RYR2: variants seen among roughly 807,000 people sequenced by gnomAD.
RYR2 encodes cardiac muscle ryanodine receptor-calcium release channel.
A neutral mutation model predicts 601.1 loss-of-function variants in RYR2; 227 were observed. The ratio of observed to expected loss-of-function variants is 0.38; its 90% confidence interval spans 0.34 to 0.42. The LOEUF is 0.42. Among genes scored for constraint, RYR2 ranks in the 10% least tolerant of loss-of-function variants. RYR2 has a pLI of 1.00. For missense variants in RYR2, 4,646 were observed against 6,156.5 expected (o/e 0.75, Z 8.21); for synonymous variants, 2,223 against 2,175.1 (o/e 1.02, Z -0.61).
At chr1:237,648,708 A>G in intron 49 of RYR2, 95 bp downstream of exon 49, 1 of 1,351,240 alleles carries the variant, frequency 7.4e-7, no homozygotes, top group Non-Finnish European at 9.9e-7. Flanking sequence ...ATTTATTGAC[A>G]ATGAATGTTT....
At chr1:237,399,276 A>G (rs571058454) in intron 10 of RYR2, among the ~76,000 whole-genome samples, 8 of 152,322 alleles carry the variant, frequency 5.3e-5, no homozygotes, top group African/African-American at 1.7e-4. Context: ...GAAAATATCA[A>G]TCCCCAAAGG....
chr1:237,654,245 A>G lies in RYR2; in HGVS notation c.7825-29A>G, dbSNP rs762551668. Reference sequence around the variant, plus strand: ...AAAATATAAAAGGTTTTGATAGCTCATTGCTTTTATAATTGTTTTCCCACA... The same window carrying G: ...AAAATATAAAAGGTTTTGATAGCTCGTTGCTTTTATAATTGTTTTCCCACA... On this transcript the variant is annotated intron_variant, in intron 51 of 104. Coordinates refer to ENST00000366574, the MANE Select transcript of RYR2 (RefSeq NM_001035.3). 1.1e-5 allele frequency: 18 copies of G among 1,610,004 alleles called. No homozygotes were observed. The Admixed American group carries it at 2.7e-4, about 24-fold the overall frequency.
intron 1 of RYR2, among the ~76,000 whole-genome samples, chr1:237,247,491 A>G (rs1306630611): frequency 1.3e-5 from 2 of 152,188 alleles, no homozygotes. Flanking sequence ...GCCCACTCAG[A>G]TGTCATGGAC....
chr1:237,618,317 G>A (rs1398851835), intron 38 of RYR2, among the ~76,000 whole-genome samples: 1 of 152,088 alleles, frequency 6.6e-6, no homozygotes, highest in Non-Finnish European at 1.5e-5. Context: ...TTAAACTACT[G>A]TTGGGAAACT....
chr1:237,830,667 G>A (rs374959184), intron 103 of RYR2, 37 bp downstream of exon 103: 95 of 1,051,530 alleles, frequency 9.0e-5, no homozygotes, highest in Non-Finnish European at 1.4e-4. Flanking sequence ...CACCTCTCCA[G>A]TAGACGCCAC....
chr1:237,065,615 C>T (rs1663502825), intron 1 of RYR2, among the ~76,000 whole-genome samples: 1 of 152,112 alleles, frequency 6.6e-6, no homozygotes, highest in South Asian at 2.1e-4. Context: ...ACACTTCCTC[C>T]TTAGTGCCAC....
At chr1:237,635,899 C>A (rs1680825877) in intron 44 of RYR2, among the ~76,000 whole-genome samples, 1 of 152,162 alleles carries the variant, frequency 6.6e-6, no homozygotes, top group African/African-American at 2.4e-5. Context: ...GCTAGTCCAA[C>A]CATCTGCAGT....
chr1:237,116,137 C>T (rs531930362), intron 1 of RYR2, among the ~76,000 whole-genome samples: 1 of 152,070 alleles, frequency 6.6e-6, no homozygotes, highest in African/African-American at 2.4e-5. Context: ...CTTTGTGGAT[C>T]CTTGTGAATC....
chr1:237,052,044 A>T (rs991378340), intron 1 of RYR2, among the ~76,000 whole-genome samples: 2 of 152,226 alleles, frequency 1.3e-5, no homozygotes, highest in Admixed American at 1.3e-4. Context: ...TGATTCCATG[A>T]GATAGTATTT....
intron 17 of RYR2, among the ~76,000 whole-genome samples, chr1:237,484,365 T>C (rs1662448627): frequency 6.6e-6 from 1 of 152,060 alleles, no homozygotes; most frequent in Admixed American, 6.6e-5. Flanking sequence ...AACAGTACCA[T>C]GGGGGGTGGG....
chr1:237,134,452 G>C (rs1307692827), intron 1 of RYR2, among the ~76,000 whole-genome samples: 4 of 152,176 alleles, frequency 2.6e-5, no homozygotes, highest in Admixed American at 6.5e-5. Context: ...GCAGGCAAGA[G>C]AGAGCTTGTG....
chr1:237,584,911 T>A (rs1674358026), intron 29 of RYR2, among the ~76,000 whole-genome samples: 1 of 151,992 alleles, frequency 6.6e-6, no homozygotes, highest in African/African-American at 2.4e-5. Context: ...TTGTTATTTT[T>A]TTTTTTTCTT....
At chr1:237,575,182 C>T (rs892480238) in intron 29 of RYR2, among the ~76,000 whole-genome samples, 6 of 152,284 alleles carry the variant, frequency 3.9e-5, no homozygotes, top group South Asian at 2.1e-4. Flanking sequence ...TGAGTTCATA[C>T]GCGGTTACCT....
intron 34 of RYR2, among the ~76,000 whole-genome samples, chr1:237,597,613 A>T (rs1310589469): frequency 6.6e-6 from 1 of 152,022 alleles, no homozygotes; most frequent in African/African-American, 2.4e-5. Context: ...CAAATGTATC[A>T]GCTTAAGATG....
chr1:237,167,546 G>A (rs2148889578), intron 1 of RYR2, among the ~76,000 whole-genome samples: 2 of 152,174 alleles, frequency 1.3e-5, no homozygotes, highest in Non-Finnish European at 2.9e-5. Context: ...GAACAGAGAG[G>A]TAAGCAAAGC....
rs150605366 is a variant in RYR2 at position 237,758,953 on chromosome 1, A to G, written c.11326-823A>G. 5.3e-3 allele frequency among the ~76,000 whole-genome samples: 800 copies of G among 152,344 alleles called. 5 individuals are homozygous for G. Among genetic ancestry groups the G allele is most frequent in the African/African-American group, 0.018 (742 of 41,570 alleles). On this transcript the variant is annotated intron_variant, in intron 82 of 104. Coordinates refer to ENST00000366574, the MANE Select transcript of RYR2 (RefSeq NM_001035.3). ...ATAGATTCTGGACGTCATTCTGAGA[A>G]CAAAGGAGAACATTTTAATAGCCAA...
At chr1:237,332,759 AGAT>A (rs1482484960) in intron 3 of RYR2, among the ~76,000 whole-genome samples, 1 of 152,212 alleles carries the variant, frequency 6.6e-6, no homozygotes, top group Non-Finnish European at 1.5e-5. Context: ...AACTTTGAGA[AGAT>A]CTTTTATCTT....
chr1:237,073,668 G>A (rs996252862), intron 1 of RYR2, among the ~76,000 whole-genome samples: 1 of 152,090 alleles, frequency 6.6e-6, no homozygotes, highest in African/African-American at 2.4e-5. Context: ...TCAGGAGTTC[G>A]AGACCAGCTT....
At chr1:237,767,461 A>G (rs1236967423) in intron 84 of RYR2, among the ~76,000 whole-genome samples, 1 of 152,142 alleles carries the variant, frequency 6.6e-6, no homozygotes, top group Non-Finnish European at 1.5e-5. Context: ...TGTTTTTTGA[A>G]GTTTACTGGA....
Sources: allele counts gnomAD v4.1 joint callset (sites outside exome capture counted in the v4.1 genomes callset), GRCh38; gene constraint gnomAD v4.1.1; transcripts MANE v1.5; gene names NCBI Gene and HGNC (gene_info 2026-07-23, HGNC 2026-07-21).